The following SCAI variants were observed in gnomAD, a reference collection of about 807,000 sequenced individuals.
The protein encoded by SCAI is protein SCAI.
SCAI carries 24 observed loss-of-function variants against 92.2 expected under a neutral mutation model. That is an observed-to-expected ratio of 0.26 (90% CI 0.19 to 0.37). SCAI has a LOEUF of 0.37. Among genes scored for constraint, SCAI ranks in the 10% least tolerant of loss-of-function variants. The probability of loss-of-function intolerance (pLI) is 1.00; values close to 1 mark genes in which losing one functional copy is unlikely to be tolerated. For missense variants in SCAI, 450 were observed against 736.2 expected, an observed-to-expected ratio of 0.61 and a Z score of 4.50; for synonymous variants, 261 against 258.6, an observed-to-expected ratio of 1.01 and a Z score of -0.09.
At chr9:125,040,170 C>G (rs542873138) in intron 3 of SCAI, among the ~76,000 whole-genome samples, 262 of 152,018 alleles carry the variant, frequency 1.7e-3, no homozygotes, top group African/African-American at 6.0e-3. Flanking sequence ...ACCTGGGCAA[C>G]ATAGGGAGAG....
chr9:124,962,857 C>A (rs1433948034), intron 17 of SCAI, among the ~76,000 whole-genome samples: 1 of 147,234 alleles, frequency 6.8e-6, no homozygotes, highest in Non-Finnish European at 1.5e-5. Context: ...GGAGTGCAGT[C>A]GCGCGATCTT....
intron 3 of SCAI, among the ~76,000 whole-genome samples, chr9:125,046,194 G>GATATATATAT (rs1554784565): frequency 6.4e-5 from 1 of 15,526 alleles, no homozygotes; most frequent in African/African-American, 3.0e-4. Flanking sequence ...AAGAAATTGT[G>GATATATATAT]AGATATATAT....
Position 125,057,968 on chromosome 9 carries a change from C to G in SCAI, c.99-1961G>C, listed in dbSNP as rs558884291. Among the ~76,000 whole-genome samples, 12 of 151,930 alleles carry G rather than the reference C, an allele frequency of 7.9e-5. No homozygotes were observed. The East Asian group carries it at 2.3e-3, about 30-fold the overall frequency. ...AATTAGCCAGATGTGGTGGCAGGTG[C>G]CTACTCAGCTACCTCAGATACTCAG... On this transcript the variant is annotated intron_variant, in intron 2 of 17. Transcript: ENST00000336505.
intron 17 of SCAI, chr9:124,968,968 C>G: frequency 2.5e-6 from 1 of 398,160 alleles, no homozygotes; most frequent in Non-Finnish European, 4.6e-6. Context: ...AAGGCTGTGT[C>G]TTAAGTGGAA....
intron 14 of SCAI, among the ~76,000 whole-genome samples, chr9:124,980,049 C>CA (rs34760799): frequency 0.011 from 870 of 80,814 alleles, 16 homozygotes; most frequent in South Asian, 0.057. Flanking sequence ...GACTCCGTCT[C>CA]AAAAAAAAAA....
intron 14 of SCAI, among the ~76,000 whole-genome samples, chr9:124,994,641 T>G (rs1409126757): frequency 6.6e-6 from 1 of 152,104 alleles, no homozygotes. Context: ...TTATTCTGGG[T>G]TATATAACAA....
At chr9:125,131,445 A>G (rs1022406867) in intron 2 of SCAI, among the ~76,000 whole-genome samples, 1 of 151,760 alleles carries the variant, frequency 6.6e-6, no homozygotes, top group African/African-American at 2.4e-5. Context: ...ATATATACAT[A>G]TATAAAATAT....
At chr9:125,113,680 T>TTC (rs1554792773) in intron 2 of SCAI, among the ~76,000 whole-genome samples, 7 of 151,028 alleles carry the variant, frequency 4.6e-5, no homozygotes, top group Admixed American at 1.3e-4. Flanking sequence ...TTTTTTTTTT[T>TTC]GGCTGGGCAC....
Position 124,944,891 on chromosome 9 carries a change from T to C in SCAI, c.*7916A>G, listed in dbSNP as rs1831121527. ...TCAGAAGAGAAAAGAAAATCAGTGA[T>C]ATAACAAACATTTAAGTATCATTTA... On this transcript the variant is annotated 3_prime_UTR_variant, in exon 18 of 18. Transcript: ENST00000336505. 1 of 152,218 alleles carries C rather than the reference T, an allele frequency of 6.6e-6. No homozygotes were observed. Among genetic ancestry groups the C allele is most frequent in the Non-Finnish European group, 1.5e-5 (1 of 68,038 alleles). 9.4% of individuals were successfully genotyped at this position (152,218 alleles called of 1,614,324 possible). A position where few individuals can be genotyped will look rare whatever the true frequency, so the allele number is the denominator to read the frequency against.
intron 3 of SCAI, among the ~76,000 whole-genome samples, chr9:125,035,531 T>C (rs1484594624): frequency 6.6e-6 from 1 of 152,114 alleles, no homozygotes; most frequent in African/African-American, 2.4e-5. Flanking sequence ...CCACTAATTG[T>C]CTACACAATG....
At chr9:125,066,510 C>T (rs1295044340) in intron 2 of SCAI, among the ~76,000 whole-genome samples, 1 of 150,900 alleles carries the variant, frequency 6.6e-6, no homozygotes, top group Non-Finnish European at 1.5e-5. Context: ...GGCTGGAGTG[C>T]AGTGGCATGA....
intron 2 of SCAI, among the ~76,000 whole-genome samples, chr9:125,101,986 T>C (rs1281962266): frequency 6.6e-6 from 1 of 152,222 alleles, no homozygotes; most frequent in Admixed American, 6.5e-5. Context: ...AGGCACATAC[T>C]GGTCTAGGGC....
chr9:125,047,688 T>C (rs1833473947), intron 3 of SCAI, among the ~76,000 whole-genome samples: 1 of 152,188 alleles, frequency 6.6e-6, no homozygotes, highest in African/African-American at 2.4e-5. Flanking sequence ...GAATTTTGCC[T>C]GAGCAAACAG....
rs75620880 is a variant in SCAI, at chr9:125,033,143, T to G, written c.231-3404A>C. ...ACTCAGGAGGCTGAGGCGGAAAGATTGCTTGAGACCAGGGGTTTAAGTTCA... is the reference window on the plus strand; with the variant it reads ...ACTCAGGAGGCTGAGGCGGAAAGATGGCTTGAGACCAGGGGTTTAAGTTCA... On this transcript the variant is annotated intron_variant, in intron 3 of 17. Transcript: ENST00000336505. Among the ~76,000 whole-genome samples, 16 of 151,990 alleles carry G rather than the reference T, an allele frequency of 1.1e-4. No homozygotes were observed. In the East Asian group the frequency reaches 3.1e-3, roughly 29 times the overall value.
intron 17 of SCAI, among the ~76,000 whole-genome samples, chr9:124,966,876 T>A (rs761240104): frequency 4.0e-5 from 6 of 151,392 alleles, no homozygotes; most frequent in Non-Finnish European, 7.4e-5. Context: ...GCCTCCTGAG[T>A]AGCTGGGACT....
intron 2 of SCAI, among the ~76,000 whole-genome samples, chr9:125,090,364 A>T (rs1204226269): frequency 6.6e-6 from 1 of 151,880 alleles, no homozygotes; most frequent in Non-Finnish European, 1.5e-5. Flanking sequence ...AGGAGGAAGA[A>T]AGAGTAAGGA....
chr9:125,061,777 C>A (rs952967593), intron 2 of SCAI, among the ~76,000 whole-genome samples: 1 of 149,026 alleles, frequency 6.7e-6, no homozygotes, highest in Non-Finnish European at 1.5e-5. Flanking sequence ...AGAAATGAAA[C>A]GAAGAAAAGA....
chr9:125,143,468 C>G lies in SCAI; in HGVS notation c.-31G>C, dbSNP rs1835722790. ...TCCTGCTCCGCCGCGGGAGCTGCTC[C>G]GGCGGCCGCAGGGCTCGCTCGGGAA... On this transcript the variant is annotated 5_prime_UTR_variant, in exon 1 of 18. Coordinates refer to ENST00000336505, the MANE Select transcript of SCAI (RefSeq NM_001144877.3). 2 of 1,338,976 alleles carry G rather than the reference C, an allele frequency of 1.5e-6. No homozygotes were observed. The highest frequency in any genetic ancestry group is 1.9e-6 in the Non-Finnish European group (2 of 1,044,666). 82.9% of individuals were successfully genotyped at this position (1,338,976 alleles called of 1,614,324 possible).
chr9:125,012,838 C>T (rs1470254654), intron 9 of SCAI, among the ~76,000 whole-genome samples: 1 of 152,074 alleles, frequency 6.6e-6, no homozygotes, highest in African/African-American at 2.4e-5. Flanking sequence ...TCTCTCAGAC[C>T]ACAGTGCAAT....
Sources: gnomAD v4.1 joint callset for allele counts (sites outside exome capture counted in the v4.1 genomes callset) on GRCh38, gnomAD v4.1.1 for gene constraint, MANE v1.5 for transcripts, NCBI Gene and HGNC (gene_info 2026-07-23, HGNC 2026-07-21) for gene names.